CYB5B: variants seen among roughly 807,000 people sequenced by gnomAD.
The protein encoded by CYB5B is cytochrome b5 type B (outer mitochondrial membrane).
A neutral mutation model predicts 21.3 loss-of-function variants in CYB5B; 14 were observed. The observed-to-expected ratio is 0.66, with a 90% CI of 0.43 to 1.03. CYB5B has a LOEUF of 1.03. Among genes scored for constraint, CYB5B ranks in the 50% least tolerant of loss-of-function variants. The pLI is 0.00. For synonymous variants in CYB5B, 69 were observed against 68.4 expected, an observed-to-expected ratio of 1.01 and a Z score of -0.04; for missense variants, 166 against 185.1, an observed-to-expected ratio of 0.90 and a Z score of 0.60.
intron 1 of CYB5B, among the ~76,000 whole-genome samples, chr16:69,429,293 G>GAGC (rs1309303450): frequency 6.6e-6 from 1 of 152,224 alleles, no homozygotes; most frequent in East Asian, 1.9e-4. Context: ...AAAGGGACCA[G>GAGC]AGCAGGTTGA....
intron 1 of CYB5B, among the ~76,000 whole-genome samples, chr16:69,427,496 G>T (rs1361629022): frequency 2.0e-5 from 3 of 151,860 alleles, no homozygotes; most frequent in African/African-American, 2.4e-5. Flanking sequence ...GGTTTCTCTT[G>T]GAGCTTGAGC....
intron 1 of CYB5B, among the ~76,000 whole-genome samples, chr16:69,439,037 T>C (rs1332612237): frequency 6.6e-6 from 1 of 152,158 alleles, no homozygotes; most frequent in African/African-American, 2.4e-5. Flanking sequence ...AATCTCAAGG[T>C]CATGAACATT....
intron 1 of CYB5B, among the ~76,000 whole-genome samples, chr16:69,442,288 T>C (rs1444094843): frequency 2.0e-5 from 3 of 152,112 alleles, no homozygotes; most frequent in Non-Finnish European, 4.4e-5. Context: ...GGTAAATGTT[T>C]ATATTTTGGC....
intron 1 of CYB5B, among the ~76,000 whole-genome samples, chr16:69,445,040 A>G (rs1177852274): frequency 6.6e-6 from 1 of 152,254 alleles, no homozygotes; most frequent in South Asian, 2.1e-4. Context: ...TCAAAAATTC[A>G]GTCATTCCCT....
intron 1 of CYB5B, among the ~76,000 whole-genome samples, chr16:69,445,328 G>A (rs1256018788): frequency 6.6e-6 from 1 of 152,170 alleles, no homozygotes; most frequent in Admixed American, 6.5e-5. Flanking sequence ...CCCACTCACT[G>A]GGTGGAGACC....
At chr16:69,460,518 G>C (rs888716708) in intron 4 of CYB5B, among the ~76,000 whole-genome samples, 3 of 152,080 alleles carry the variant, frequency 2.0e-5, no homozygotes, top group Admixed American at 6.6e-5. Flanking sequence ...TAAAAATTTT[G>C]CAAATAAGAG....
chr16:69,458,350 A>G (rs1361837535), intron 3 of CYB5B, among the ~76,000 whole-genome samples: 1 of 152,138 alleles, frequency 6.6e-6, no homozygotes, highest in Admixed American at 6.5e-5. Flanking sequence ...ATCTACTTCT[A>G]ACTCTATTGA....
At chr16:69,425,304 G>A (rs1158113148) in intron 1 of CYB5B, among the ~76,000 whole-genome samples, 2 of 151,938 alleles carry the variant, frequency 1.3e-5, no homozygotes, top group African/African-American at 2.4e-5. Context: ...TTCTAGAGTA[G>A]AAGCTGAGAT....
chr16:69,450,072 T>C (rs1004174573), intron 3 of CYB5B: 2 of 151,944 alleles, frequency 1.3e-5, no homozygotes, highest in African/African-American at 2.4e-5. Context: ...ATCATAAAAT[T>C]AGCTGAGCAT....
intron 1 of CYB5B, among the ~76,000 whole-genome samples, chr16:69,437,521 T>A (rs894193044): frequency 2.0e-5 from 3 of 152,186 alleles, no homozygotes; most frequent in African/African-American, 7.2e-5. Context: ...TCTATCTTGT[T>A]TTGTTAGGAT....
intron 1 of CYB5B, among the ~76,000 whole-genome samples, chr16:69,437,208 CA>C (rs1339363437): frequency 6.6e-6 from 1 of 152,040 alleles, no homozygotes. Context: ...ATTTCGGTTG[CA>C]GTATAGTTTA....
In CYB5B at chr16:69,463,404, CTGGT is replaced by C. The variant is rs1170253013; in HGVS notation, c.*885_*888del. Reference sequence around the variant, plus strand: ...TTCAGAGTAATCTTTCTTTAGAAAACTGGTGTTTTCTAAAGAAACAGGATAGGAG... The same window carrying C: ...TTCAGAGTAATCTTTCTTTAGAAAACGTTTTCTAAAGAAACAGGATAGGAG... On this transcript the variant is annotated 3_prime_UTR_variant, in exon 5 of 5. Transcript: ENST00000307892. 1 of 152,058 alleles carries C rather than the reference CTGGT, an allele frequency of 6.6e-6. No homozygotes were observed. The highest frequency in any genetic ancestry group is 1.5e-5 in the Non-Finnish European group (1 of 68,026). The allele number at this position is 152,058 out of a possible 1,614,324, so 9.4% of individuals were successfully genotyped here. A position where few individuals can be genotyped will look rare whatever the true frequency, so the allele number is the denominator to read the frequency against.
At chr16:69,438,605 TTTC>T (rs1567471702) in intron 1 of CYB5B, among the ~76,000 whole-genome samples, 2 of 44,192 alleles carry the variant, frequency 4.5e-5, no homozygotes, top group Admixed American at 2.6e-4. Flanking sequence ...TTGATTTTCA[TTTC>T]TTTTTTTTTT....
chr16:69,449,928 T>G (rs943178103), intron 3 of CYB5B: 1 of 152,190 alleles, frequency 6.6e-6, no homozygotes, highest in Non-Finnish European at 1.5e-5. Context: ...TTAAAACTAT[T>G]GAGCCATCCA....
intron 1 of CYB5B, among the ~76,000 whole-genome samples, chr16:69,430,751 G>A (rs1348741153): frequency 1.3e-5 from 2 of 149,288 alleles, no homozygotes; most frequent in Non-Finnish European, 3.0e-5. Context: ...TCAGCTCACT[G>A]CAACCTCTGC....
intron 1 of CYB5B, among the ~76,000 whole-genome samples, chr16:69,440,317 C>T (rs1335893901): frequency 6.6e-6 from 1 of 152,060 alleles, no homozygotes; most frequent in Non-Finnish European, 1.5e-5. Context: ...TTTCCTTCCC[C>T]AGTGCCTGGC....
rs570272322 is a variant in CYB5B, at chr16:69,454,662, TAC to T, written c.334-4427_334-4426del. 2.0e-5 allele frequency among the ~76,000 whole-genome samples: 3 copies of T among 152,350 alleles called. No individual in the cohort carries two copies. The South Asian group carries it at 6.2e-4, about 32-fold the overall frequency. ...TACCAAAGTGTTCCAAATTCAAAGC[TAC>T]ACAGTCTCTACCAGACCACCTAAAT... On this transcript the variant is annotated intron_variant, in intron 3 of 4. Transcript: ENST00000307892.
intron 1 of CYB5B, among the ~76,000 whole-genome samples, chr16:69,428,249 G>A (rs2014669390): frequency 6.6e-6 from 1 of 152,176 alleles, no homozygotes; most frequent in African/African-American, 2.4e-5. Context: ...TGGGGATTTA[G>A]TAGTGAATAA....
At chr16:69,437,119 T>C (rs2014768876) in intron 1 of CYB5B, among the ~76,000 whole-genome samples, 1 of 152,206 alleles carries the variant, frequency 6.6e-6, no homozygotes, top group Non-Finnish European at 1.5e-5. Context: ...TGTAAAGTAT[T>C]TCACTTGATT....
Sources: allele counts gnomAD v4.1 joint callset (sites outside exome capture counted in the v4.1 genomes callset), GRCh38; gene constraint gnomAD v4.1.1; transcripts MANE v1.5; gene names NCBI Gene and HGNC (gene_info 2026-07-23, HGNC 2026-07-21).